Variants in GALNT13 observed in about 807,000 individuals in gnomAD.
GALNT13 encodes the protein polypeptide N-acetylgalactosaminyltransferase 13.
Under a neutral mutation model 64.2 loss-of-function variants are expected in GALNT13, and 28 were observed. The observed-to-expected ratio is 0.44, with a 90% confidence interval of 0.32 to 0.60. The LOEUF (loss-of-function observed/expected upper bound fraction) is 0.60. Among genes scored for constraint, GALNT13 ranks in the 20% least tolerant of loss-of-function variants. GALNT13 has a pLI of 0.05. For missense variants in GALNT13, 577 were observed against 669.8 expected (o/e 0.86, Z 1.53); for synonymous variants, 214 against 224.6 (o/e 0.95, Z 0.42).
chr2:153,188,169 A>G, the GALNT13 span, among the ~76,000 whole-genome samples: 1 of 152,040 alleles, frequency 6.6e-6, no homozygotes, highest in Non-Finnish European at 1.5e-5. Flanking sequence ...GTTCTGAACT[A>G]TAACATGTTA....
intron 1 of GALNT13, among the ~76,000 whole-genome samples, chr2:153,899,862 AGTCT>A (rs1688111429): frequency 6.6e-6 from 1 of 150,744 alleles, no homozygotes; most frequent in Admixed American, 6.6e-5. Flanking sequence ...TATTGTTCAT[AGTCT>A]GTCTGATCTG....
the GALNT13 span, among the ~76,000 whole-genome samples, chr2:153,181,009 A>G: frequency 8.8e-5 from 3 of 34,226 alleles, no homozygotes; most frequent in Non-Finnish European, 1.3e-4. Context: ...TATTTTATTT[A>G]TTTTCTGGTT....
chr2:153,299,696 C>A, the GALNT13 span, among the ~76,000 whole-genome samples: 5 of 152,160 alleles, frequency 3.3e-5, no homozygotes, highest in Non-Finnish European at 5.9e-5. Flanking sequence ...CAGATCAGCC[C>A]TTTGGAGCAG....
intron 11 of GALNT13, among the ~76,000 whole-genome samples, chr2:154,434,310 A>G (rs1225526077): frequency 6.6e-6 from 1 of 152,154 alleles, no homozygotes; most frequent in Admixed American, 6.5e-5. Context: ...CCCAGGCTGG[A>G]GTGCAGTGGT....
At chr2:153,731,780 G>C in the GALNT13 span, among the ~76,000 whole-genome samples, 1 of 151,574 alleles carries the variant, frequency 6.6e-6, no homozygotes, top group South Asian at 2.1e-4. Flanking sequence ...TTTTTCTGCA[G>C]TGCAGAGCTG....
the GALNT13 span, among the ~76,000 whole-genome samples, chr2:153,127,550 G>A: frequency 1.5e-5 from 1 of 68,216 alleles, no homozygotes; most frequent in Non-Finnish European, 4.2e-5. Flanking sequence ...AGGAACCTGG[G>A]GAACCGTAAT....
chr2:153,295,823 T>C, the GALNT13 span, among the ~76,000 whole-genome samples: 15 of 152,158 alleles, frequency 9.9e-5, no homozygotes, highest in Admixed American at 2.6e-4. Context: ...TACAGGCACA[T>C]TGAAGGATCA....
chr2:153,885,611 A>C (rs1687119998), intron 1 of GALNT13, among the ~76,000 whole-genome samples: 1 of 152,068 alleles, frequency 6.6e-6, no homozygotes, highest in African/African-American at 2.4e-5. Context: ...GAGGCAGTAC[A>C]TTTTATAGTT....
the GALNT13 span, among the ~76,000 whole-genome samples, chr2:153,532,149 T>C: frequency 6.6e-6 from 1 of 152,162 alleles, no homozygotes; most frequent in Non-Finnish European, 1.5e-5. Flanking sequence ...AGAGGTTCTC[T>C]GTGAGCGCTC....
chr2:154,288,062 A>G (rs1692377615), intron 8 of GALNT13, among the ~76,000 whole-genome samples: 1 of 152,158 alleles, frequency 6.6e-6, no homozygotes. Flanking sequence ...TATAAAGGAA[A>G]GAGATTTAAT....
the GALNT13 span, among the ~76,000 whole-genome samples, chr2:153,330,791 C>T: frequency 5.9e-5 from 9 of 152,136 alleles, no homozygotes; most frequent in Admixed American, 2.0e-4. Context: ...ACTGAATGCT[C>T]TGCCTAGCCC....
the GALNT13 span, among the ~76,000 whole-genome samples, chr2:153,708,374 G>C: frequency 3.3e-5 from 5 of 152,134 alleles, no homozygotes; most frequent in African/African-American, 1.2e-4. Context: ...GTTTATGACA[G>C]GGTGTAAAAT....
the GALNT13 span, among the ~76,000 whole-genome samples, chr2:153,673,848 A>C: frequency 6.6e-6 from 1 of 152,228 alleles, no homozygotes; most frequent in East Asian, 1.9e-4. Flanking sequence ...AAGCAACTTC[A>C]GCAAAGTCTC....
chr2:153,515,635 T>C, the GALNT13 span, among the ~76,000 whole-genome samples: 1 of 152,160 alleles, frequency 6.6e-6, no homozygotes, highest in Admixed American at 6.6e-5. Flanking sequence ...TATAATAAAT[T>C]TAATAGCTAG....
intron 3 of GALNT13, among the ~76,000 whole-genome samples, chr2:154,028,027 A>G (rs570376122): frequency 2.6e-5 from 4 of 152,174 alleles, no homozygotes; most frequent in African/African-American, 9.6e-5. Context: ...ACAAGCCTTG[A>G]TGTGCACACA....
intron 4 of GALNT13, among the ~76,000 whole-genome samples, chr2:154,222,876 T>A (rs2105825680): frequency 6.6e-6 from 1 of 152,270 alleles, no homozygotes; most frequent in Admixed American, 6.5e-5. Context: ...GACAAACTTT[T>A]TCTTTTTTAA....
At chr2:154,346,693 A>G (rs2105240969) in intron 9 of GALNT13, among the ~76,000 whole-genome samples, 1 of 152,236 alleles carries the variant, frequency 6.6e-6, no homozygotes, top group Non-Finnish European at 1.5e-5. Flanking sequence ...ACCCAGTCTC[A>G]GATATGTCTT....
At chr2:153,909,291 A>G (rs1426979118) in intron 2 of GALNT13, among the ~76,000 whole-genome samples, 2 of 152,064 alleles carry the variant, frequency 1.3e-5, no homozygotes, top group Admixed American at 6.6e-5. Context: ...TTGACTTTTT[A>G]TCCTGAAACT....
the GALNT13 span, among the ~76,000 whole-genome samples, chr2:153,089,343 C>G: frequency 6.6e-6 from 1 of 152,170 alleles, no homozygotes; most frequent in Admixed American, 6.5e-5. Flanking sequence ...GAGAAATCTG[C>G]TGTTAATCTG....
Sources: allele counts gnomAD v4.1 joint callset (sites outside exome capture counted in the v4.1 genomes callset), GRCh38; gene constraint gnomAD v4.1.1; transcripts MANE v1.5; gene names NCBI Gene and HGNC (gene_info 2026-07-23, HGNC 2026-07-21).